The following AHNAK variants were observed in gnomAD, a reference collection of about 807,000 sequenced individuals.
The protein encoded by AHNAK is neuroblast differentiation-associated protein AHNAK.
Under a neutral mutation model 37.8 loss-of-function variants are expected in AHNAK, and 23 were observed. That is an observed-to-expected ratio of 0.61 (90% CI 0.44 to 0.86). The LOEUF is 0.86. Among genes scored for constraint, AHNAK ranks in the 40% least tolerant of loss-of-function variants. The pLI is 0.00. For synonymous variants in AHNAK, 2,481 were observed against 2,636.3 expected (o/e 0.94, Z 1.80); for missense variants, 7,411 against 7,319.4 (o/e 1.01, Z -0.46).
At chr11:62,502,736 C>T (rs1939735280) in intron 4 of AHNAK, among the ~76,000 whole-genome samples, 1 of 152,090 alleles carries the variant, frequency 6.6e-6, no homozygotes, top group South Asian at 2.1e-4. Context: ...GGAAGGCTTC[C>T]AGGAGGAAAT....
intron 5 of AHNAK, among the ~76,000 whole-genome samples, chr11:62,451,084 T>C (rs1938527691): frequency 7.7e-6 from 1 of 130,330 alleles, no homozygotes; most frequent in Non-Finnish European, 1.6e-5. Context: ...TCCTGGAATC[T>C]TTTTTTTTTT....
At chr11:62,491,449 C>G (rs1939503223) in intron 5 of AHNAK, among the ~76,000 whole-genome samples, 1 of 152,176 alleles carries the variant, frequency 6.6e-6, no homozygotes, top group Admixed American at 6.5e-5. Context: ...TGTGGATATT[C>G]CACGGCAGCC....
intron 5 of AHNAK, among the ~76,000 whole-genome samples, chr11:62,459,835 C>G: frequency 6.6e-6 from 1 of 152,080 alleles, no homozygotes; most frequent in Middle Eastern, 3.4e-3. Context: ...TGGCTTTAGA[C>G]GTGTGTACCA....
At chr11:62,490,675 C>T (rs973853990) in intron 5 of AHNAK, among the ~76,000 whole-genome samples, 11 of 152,126 alleles carry the variant, frequency 7.2e-5, no homozygotes, top group Non-Finnish European at 1.5e-4. Flanking sequence ...CTCCCTTTGC[C>T]CAGTGACACG....
intron 5 of AHNAK, among the ~76,000 whole-genome samples, chr11:62,457,249 T>C (rs2134817422): frequency 6.6e-6 from 1 of 152,090 alleles, no homozygotes; most frequent in South Asian, 2.1e-4. Flanking sequence ...AGATCAAGAC[T>C]ATCCTGGCTA....
Position 62,530,106 on chromosome 11 carries a change from G to A in AHNAK, c.4311C>T (p.Pro1437=), listed in dbSNP as rs769455882. Residue 1437 remains proline (P), a synonymous_variant, in exon 5 of 5, where the codon CCC becomes CCT. Transcript: ENST00000378024. ...TACTCATTTCTGGCATCTTGAATTT[G>A]GGACCTTTTAGTTTTGCGTCTGGAC... The part of the protein sequence containing the change: ...IEGPDAKLKG[P]KFKMPEMSIK... 12 of 1,613,826 alleles carry A rather than the reference G, an allele frequency of 7.4e-6. No individual in the cohort carries two copies. Among genetic ancestry groups the A allele is most frequent in the African/African-American group, 5.3e-5 (4 of 74,854 alleles).
Position 62,523,098 on chromosome 11 carries a change from G to T in AHNAK, c.11319C>A (p.Asp3773Glu), listed in dbSNP as rs1243078769. The T allele has an allele frequency of 6.2e-7, 1 of 1,612,998 alleles. No homozygotes were observed. The highest frequency in any genetic ancestry group is 1.1e-5 in the South Asian group (1 of 91,010). ...TGATGTCAACTTCAGGACCCTTGAG[G>T]TCACCTTCCATTTTGGGCAGAGAAA... ...VDVSLPKMEG[D>E]LKGPEVDIKG... The change falls in exon 5 of 5, where the codon GAC (aspartate) becomes GAA (glutamate). Residue 3773 changes from aspartate to glutamate, a missense_variant. Coordinates refer to ENST00000378024, the MANE Select transcript of AHNAK (RefSeq NM_001620.3).
intron 5 of AHNAK, among the ~76,000 whole-genome samples, chr11:62,461,042 A>G (rs1393217537): frequency 5.3e-5 from 6 of 113,198 alleles, no homozygotes; most frequent in Non-Finnish European, 1.0e-4. Flanking sequence ...TCACTGTGTT[A>G]GCCAGGATGG....
chr11:62,464,224 T>G (rs1029798144), intron 5 of AHNAK, among the ~76,000 whole-genome samples: 29 of 151,618 alleles, frequency 1.9e-4, no homozygotes, highest in Admixed American at 7.9e-4. Flanking sequence ...TTTTCTTTTT[T>G]GGGGGCGGGG....
In AHNAK at chr11:62,507,141, G is replaced by C. The variant is rs781739639; in HGVS notation, c.343-15310C>G. On this transcript the variant is annotated intron_variant, in intron 4 of 5. Coordinates refer to the AHNAK transcript ENST00000257247. ...TACACTGTTATTAACAGTCTTCCTG[G>C]TACCAGAGCAAGCAGAATGCTATTA... Among the ~76,000 whole-genome samples, 26 of 151,736 alleles carry C rather than the reference G, an allele frequency of 1.7e-4. 1 individual carries two copies. Among genetic ancestry groups the C allele is most frequent in the South Asian group, 8.3e-4 (4 of 4,812 alleles).
chr11:62,448,839 G>C (rs1453527240), intron 5 of AHNAK, among the ~76,000 whole-genome samples: 1 of 152,194 alleles, frequency 6.6e-6, no homozygotes, highest in African/African-American at 2.4e-5. Flanking sequence ...GGAGGCCGAG[G>C]TGGGCGGATC....
At position 62,527,353 on chromosome 11, in the gene AHNAK, GCATCTAATTTGGGACCTTTGA is replaced by G; in HGVS notation, c.7043_7063del (p.Val2348_Asp2354del). On this transcript the variant is annotated inframe_deletion, in exon 5 of 5. Coordinates refer to ENST00000378024, the MANE Select transcript of AHNAK (RefSeq NM_001620.3). ...TTCCACAGCTACTTCTGGCATGTCAGCATCTAATTTGGGACCTTTGACATCCAATTCTGGACCTTTTAACTC... is the reference window on the plus strand; with the variant it reads ...TTCCACAGCTACTTCTGGCATGTCAGCATCCAATTCTGGACCTTTTAACTC... 1 of 1,613,978 alleles carries G rather than the reference GCATCTAATTTGGGACCTTTGA, an allele frequency of 6.2e-7. No homozygotes were observed. The highest frequency in any genetic ancestry group is 8.5e-7 in the Non-Finnish European group (1 of 1,179,938).
rs145322779 is a variant in AHNAK, at chr11:62,497,834, C to T, written c.343-6003G>A. ...AACAATTTTGCCAGGCGTGGTGGCA[C>T]GCCCCTGTAATCCCAGCTACTCAGG... On this transcript the variant is annotated intron_variant, in intron 4 of 5. Transcript: ENST00000257247. 1.4e-3 allele frequency among the ~76,000 whole-genome samples: 212 copies of T among 152,168 alleles called. 1 individual carries two copies. Among genetic ancestry groups the T allele is most frequent in the Non-Finnish European group, 2.3e-3 (159 of 68,004 alleles).
chr11:62,526,307 C>T lies in AHNAK; in HGVS notation c.8110G>A (p.Ala2704Thr). The change falls in exon 5 of 5, where the codon GCC becomes ACC. Residue 2704 changes from alanine (A) to threonine (T), a missense_variant. By Grantham distance (58) the Ala-to-Thr change is moderately conservative. Coordinates refer to ENST00000378024, the MANE Select transcript of AHNAK (RefSeq NM_001620.3). ...KFKMPEMNIK[A>T]PKISMPDIDL... ...ATATCAGGCATGGAGATCTTGGGGG[C>T]TTTGATATTCATCTCTGGCATCTTG... 6.2e-7 allele frequency: 1 copy of T among 1,613,720 alleles called. No individual in the cohort carries two copies.
Position 62,516,728 on chromosome 11 carries a change from C to T in AHNAK, c.*16G>A, listed in dbSNP as rs1555029439. ...TTTGTTATATATATATATATGTACA[C>T]ACATACAAAGGCCTGCTACTCTTTC... On this transcript the variant is annotated 3_prime_UTR_variant, in exon 5 of 5. Coordinates refer to ENST00000378024, the MANE Select transcript of AHNAK (RefSeq NM_001620.3). The T allele has an allele frequency of 5.0e-6, 8 of 1,590,658 alleles. No homozygotes were observed. In the South Asian group the frequency reaches 8.1e-5, roughly 16 times the overall value.
chr11:62,483,942 C>A (rs907460998), intron 5 of AHNAK, among the ~76,000 whole-genome samples: 1 of 144,938 alleles, frequency 6.9e-6, no homozygotes, highest in Non-Finnish European at 1.5e-5. Context: ...GAGGCTGAGG[C>A]AGGAGAATGG....
Position 62,535,950 on chromosome 11 carries a change from T to A in AHNAK, c.149A>T (p.Lys50Met). 4 of 1,610,206 alleles carry A rather than the reference T, an allele frequency of 2.5e-6. No individual in the cohort carries two copies. The highest frequency in any genetic ancestry group is 3.4e-6 in the Non-Finnish European group (4 of 1,178,984). ...NSPAARTGVV[K>M]EGDQIVGATI... ...CACACCCTGGGGTGACTCACCCTCCTTGACCACCCCAGTGCGGGCCGCAGG... is the reference window on the plus strand; with the variant it reads ...CACACCCTGGGGTGACTCACCCTCCATGACCACCCCAGTGCGGGCCGCAGG... Residue 50 changes from lysine to methionine, a missense_variant, in exon 3 of 5, where the codon AAG (lysine) becomes ATG (methionine). By Grantham distance (95) the Lys-to-Met change is moderately conservative (BLOSUM62 -1). Transcript: ENST00000378024.
intron 5 of AHNAK, among the ~76,000 whole-genome samples, chr11:62,451,754 A>AT (rs1658196653): frequency 6.7e-6 from 1 of 149,558 alleles, no homozygotes; most frequent in South Asian, 2.1e-4. Context: ...AAAAAAAAAA[A>AT]ATTAATCTCA....
rs1565223448 is a variant in AHNAK at position 62,518,320 on chromosome 11, C to A, written c.16097G>T (p.Arg5366Met). ...CAGATCTCCCTGCAGGCTTGGTCCC[C>A]TCAGTGTCACATCTGGTGCCCCAAC... ...LNVGAPDVTL[R>M]GPSLQGDLAV... Residue 5366 changes from arginine to methionine, a missense_variant, in exon 5 of 5, where the codon AGG (arginine) becomes ATG (methionine). Transcript: ENST00000378024. The A allele has an allele frequency of 1.2e-6, 2 of 1,614,192 alleles. No individual in the cohort carries two copies. The highest frequency in any genetic ancestry group is 1.7e-6 in the Non-Finnish European group (2 of 1,180,036).
Sources: allele counts gnomAD v4.1 joint callset (sites outside exome capture counted in the v4.1 genomes callset), GRCh38; gene constraint gnomAD v4.1.1; transcripts MANE v1.5; gene names NCBI Gene and HGNC (gene_info 2026-07-23, HGNC 2026-07-21).